The following UROD variants were observed in gnomAD, a reference collection of about 807,000 sequenced individuals.
UROD encodes the protein uroporphyrinogen III decarboxylase.
Under a neutral mutation model 47.1 loss-of-function variants are expected in UROD, and 34 were observed. The observed-to-expected ratio is 0.72, with a 90% confidence interval of 0.55 to 0.96. The LOEUF (loss-of-function observed/expected upper bound fraction) is 0.96, where lower values mean the gene tolerates loss of function less well. Among genes scored for constraint, UROD ranks in the 40% least tolerant of loss-of-function variants. The pLI is 0.00. For missense variants in UROD, 381 were observed against 471.8 expected (o/e 0.81, Z 1.78); for synonymous variants, 148 against 175.8 (o/e 0.84, Z 1.25).
At chr1:45,014,232 G>A (rs1180889019) in intron 6 of UROD, 162 bp downstream of exon 6, 4 of 1,290,416 alleles carry the variant, frequency 3.1e-6, no homozygotes, top group African/African-American at 2.9e-5. Context: ...GACACTGACA[G>A]TGGGGCTTAA....
chr1:45,015,129 G>A (rs1216621659), intron 9 of UROD, 123 bp downstream of exon 9: 1 of 1,521,702 alleles, frequency 6.6e-7, no homozygotes, highest in African/African-American at 1.4e-5. Flanking sequence ...TACAACATAA[G>A]CCCTAGAAAG....
intron 6 of UROD, 58 bp downstream of exon 6, chr1:45,014,128 A>G: frequency 6.2e-7 from 1 of 1,612,626 alleles, no homozygotes; most frequent in South Asian, 1.1e-5. Flanking sequence ...ACCAGAAGCA[A>G]GAGTGTCCTA....
Position 45,013,969 on chromosome 1 carries a change from C to A in UROD, c.535C>A (p.Arg179Ser). 6.2e-7 allele frequency: 1 copy of A among 1,614,236 alleles called. No individual in the cohort carries two copies. The highest frequency in any genetic ancestry group is 8.5e-7 in the Non-Finnish European group (1 of 1,180,052). ...GGSSTMAQAK[R>S]WLYQRPQASH... is the part of the protein sequence containing the mutation. ...CTCAAGCACCATGGCTCAGGCCAAG[C>A]GCTGGCTCTATCAGAGACCTCAGGC... The change falls in exon 6 of 10, where the codon CGC becomes AGC. Residue 179 changes from arginine (R) to serine (S), a missense_variant. Arg to Ser is a moderately radical substitution (Grantham distance 110, BLOSUM62 -1). Coordinates refer to ENST00000246337, the MANE Select transcript of UROD (RefSeq NM_000374.5). The surrounding 1 kb of genome is among the most constrained non-coding windows in gnomAD (Gnocchi z 4.2).
intron 1 of UROD, 86 bp from the exon 2 acceptor site, chr1:45,012,821 G>A: frequency 6.3e-7 from 1 of 1,576,968 alleles, no homozygotes. Flanking sequence ...AGCGGTCCTG[G>A]ACTGAATCGG....
At chr1:45,012,794 G>T (rs1421728575) in intron 1 of UROD, 113 bp from the exon 2 acceptor site, 1 of 1,552,008 alleles carries the variant, frequency 6.4e-7, no homozygotes, top group African/African-American at 1.4e-5. Context: ...TTGGGAGCTG[G>T]CCTGGAGGAG....
Position 45,014,849 on chromosome 1 carries a change from AG to A in UROD, c.875+16del. The A allele has an allele frequency of 6.2e-7, 1 of 1,614,172 alleles. No homozygotes were observed. Among genetic ancestry groups the A allele is most frequent in the South Asian group, 1.1e-5 (1 of 91,086 alleles). The stretch of plus-strand genomic sequence containing the variant: ...CAAAGAAAGCCCGGTAAGCCATGGA[AG>A]GGTGAGGCCTTGAGGTTGAGGTGGG... On this transcript the variant is annotated intron_variant, in intron 8 of 9. Transcript: ENST00000246337.
rs1644806259 is a variant in UROD at position 45,012,280 on chromosome 1, G to T, written c.15G>T (p.Gly5=). 3.7e-6 allele frequency: 6 copies of T among 1,613,934 alleles called. No individual in the cohort carries two copies. Among genetic ancestry groups the T allele is most frequent in the Admixed American group, 1.7e-5 (1 of 60,004 alleles). ...GACAGCTGACCATGGAAGCGAATGG[G>T]TTGGGGTGAGTTCTCCAGAGCACGC... The part of the protein sequence containing the change: MEAN[G]LGPQGFPELK... The change falls in exon 1 of 10, where the codon GGG becomes GGT. Residue 5 remains glycine (G), a synonymous_variant. Transcript: ENST00000246337.
Position 45,015,377 on chromosome 1 carries a change from T to C in UROD, c.983T>C (p.Phe328Ser). The C allele has an allele frequency of 1.2e-6, 2 of 1,614,144 alleles. No individual in the cohort carries two copies. The highest frequency in any genetic ancestry group is 1.1e-5 in the South Asian group (1 of 91,082). ...GQLVKQMLDDFGPHRYIANLG... is the reference protein window; with the variant it reads ...GQLVKQMLDDSGPHRYIANLG... ...TTGGTGAAGCAGATGCTGGATGACT[T>C]TGGACCACATCGCTACATTGCCAAC... The change falls in exon 10 of 10, where the codon TTT (phenylalanine) becomes TCT (serine). Residue 328 changes from phenylalanine (F) to serine (S), a missense_variant. Coordinates refer to ENST00000246337, the MANE Select transcript of UROD (RefSeq NM_000374.5).
chr1:45,014,110 C>A, intron 6 of UROD, 40 bp downstream of exon 6: 1 of 1,613,780 alleles, frequency 6.2e-7, no homozygotes, highest in South Asian at 1.1e-5. Context: ...GGGATTTGGT[C>A]TGTAAGGACC....
rs2148982637 is a variant in UROD at position 45,013,598 on chromosome 1, T to C, written c.281T>C (p.Leu94Pro). 6.2e-7 allele frequency: 1 copy of C among 1,614,124 alleles called. No individual in the cohort carries two copies. The highest frequency in any genetic ancestry group is 2.2e-5 in the East Asian group (1 of 44,870). The change falls in exon 5 of 10, where the codon CTG (leucine) becomes CCG (proline). Residue 94 changes from leucine to proline, a missense_variant. By Grantham distance (98) the Leu-to-Pro change is moderately conservative (BLOSUM62 -3). Coordinates refer to ENST00000246337, the MANE Select transcript of UROD (RefSeq NM_000374.5). This position sits in a 1 kb window ranked among gnomAD's most constrained non-coding sequence, Gnocchi z 4.2. ...AGATGTTTTCTCCCCCTCCAGGCACTGGGCATGGAGGTGACCATGGTACCT... is the reference window on the plus strand; with the variant it reads ...AGATGTTTTCTCCCCCTCCAGGCACCGGGCATGGAGGTGACCATGGTACCT... ...FSDILVVPQALGMEVTMVPGK... is the reference protein window; with the variant it reads ...FSDILVVPQAPGMEVTMVPGK...
At position 45,013,381 on chromosome 1, in the gene UROD, T is replaced by C. The variant is rs778341947; in HGVS notation, c.276+27T>C. 2 of 1,614,088 alleles carry C rather than the reference T, an allele frequency of 1.2e-6. No homozygotes were observed. The highest frequency in any genetic ancestry group is 1.1e-5 in the South Asian group (1 of 91,090). ...TACCCACTCAAACCTGATCCTAGAA[T>C]ATAATCCAAGGACGCCTTGAAAATC... On this transcript the variant is annotated intron_variant, in intron 4 of 9. Coordinates refer to ENST00000246337, the MANE Select transcript of UROD (RefSeq NM_000374.5). This position sits in a 1 kb window ranked among gnomAD's most constrained non-coding sequence, Gnocchi z 4.2.
In UROD at chr1:45,014,684, G is replaced by C. The variant is rs568816119; in HGVS notation, c.775-52G>C. On this transcript the variant is annotated intron_variant, in intron 7 of 9. Coordinates refer to ENST00000246337, the MANE Select transcript of UROD (RefSeq NM_000374.5). ...GGGCAGCAGAAGTACAGTCAAGAAA[G>C]ATTAGTGGTTGTAGCAAGGCCCTCT... 3.7e-5 allele frequency: 60 copies of C among 1,613,478 alleles called. 1 individual carries two copies. The South Asian group carries it at 6.2e-4, about 17-fold the overall frequency.
intron 9 of UROD, 133 bp from the exon 10 acceptor site, chr1:45,015,204 T>G: frequency 6.9e-7 from 1 of 1,452,486 alleles, no homozygotes; most frequent in South Asian, 1.2e-5. Flanking sequence ...ATACTAGGGA[T>G]CTGATAAATT....
Position 45,013,022 on chromosome 1 carries a change from A to T in UROD, c.133+3A>T. 1 of 1,614,082 alleles carries T rather than the reference A, an allele frequency of 6.2e-7. No individual in the cohort carries two copies. Among genetic ancestry groups the T allele is most frequent in the Non-Finnish European group, 8.5e-7 (1 of 1,179,990 alleles). The stretch of plus-strand genomic sequence containing the variant: ...CCAGGCAGGCCGTTACTTACCAGGT[A>T]AGAGTCAGGGTCTGGAAATCTAGAT... On this transcript the variant is annotated splice_donor_region_variant and intron_variant, in intron 2 of 9. Transcript: ENST00000246337. The surrounding 1 kb of genome is among the most constrained non-coding windows in gnomAD (Gnocchi z 4.2).
At position 45,014,373 on chromosome 1, in the gene UROD, A is replaced by G; in HGVS notation, c.637-66A>G. On this transcript the variant is annotated intron_variant, in intron 6 of 9. Transcript: ENST00000246337. ...AGTCATTTGGGGAAAATTGAGGTGG[A>G]TTTTGTATGTGGGGGAAACTTCCTC... 6.2e-7 allele frequency: 1 copy of G among 1,611,942 alleles called. No homozygotes were observed. The highest frequency in any genetic ancestry group is 8.5e-7 in the Non-Finnish European group (1 of 1,179,424).
At chr1:45,015,307 C>T (rs774189518) in intron 9 of UROD, 30 bp from the exon 10 acceptor site, 9 of 1,612,850 alleles carry the variant, frequency 5.6e-6, no homozygotes, top group Non-Finnish European at 6.8e-6. Context: ...TGCTGGTCCT[C>T]CTGTAGCCAG....
Position 45,014,131 on chromosome 1 carries a change from G to C in UROD, c.636+61G>C, listed in dbSNP as rs1644828823. 2.5e-6 allele frequency: 4 copies of C among 1,612,304 alleles called. No homozygotes were observed. In the African/African-American group the frequency reaches 5.3e-5, roughly 21 times the overall value. ...TGGTCTGTAAGGACCAGAAGCAAGA[G>C]TGTCCTAAACCTGAGAGGGCAGGGG... On this transcript the variant is annotated intron_variant, in intron 6 of 9. Transcript: ENST00000246337.
chr1:45,013,003 A>C lies in UROD; in HGVS notation c.117A>C (p.Ala39=). The change falls in exon 2 of 10, where the codon GCA becomes GCC. Residue 39 remains alanine (A), a synonymous_variant. Coordinates refer to ENST00000246337, the MANE Select transcript of UROD (RefSeq NM_000374.5). This position sits in a 1 kb window ranked among gnomAD's most constrained non-coding sequence, Gnocchi z 4.2. ...DYTPVWCMRQ[A]GRYLPEFRET... is the part of the protein sequence containing the mutation. Reference sequence around the variant, plus strand: ...CTCCCGTTTGGTGCATGCGCCAGGCAGGCCGTTACTTACCAGGTAAGAGTC... The same window carrying C: ...CTCCCGTTTGGTGCATGCGCCAGGCCGGCCGTTACTTACCAGGTAAGAGTC... 1 of 1,614,088 alleles carries C rather than the reference A, an allele frequency of 6.2e-7. No homozygotes were observed. The highest frequency in any genetic ancestry group is 2.2e-5 in the East Asian group (1 of 44,888).
Position 45,013,892 on chromosome 1 carries a change from T to C in UROD, c.475-17T>C. 6.2e-7 allele frequency: 1 copy of C among 1,614,254 alleles called. No homozygotes were observed. Among genetic ancestry groups the C allele is most frequent in the East Asian group, 2.2e-5 (1 of 44,884 alleles). On this transcript the variant is annotated splice_polypyrimidine_tract_variant and intron_variant, in intron 5 of 9. Transcript: ENST00000246337. The surrounding 1 kb of genome is among the most constrained non-coding windows in gnomAD (Gnocchi z 4.2). ...TCAGTCTGGCTTCTGTGACACCATC[T>C]TTCTATCCTTCTCTAGTGGACCCTG...
Sources: gnomAD v4.1 joint callset for allele counts on GRCh38, gnomAD v4.1.1 for gene constraint, Gnocchi (gnomAD v3.1) non-coding constraint, MANE v1.5 for transcripts, NCBI Gene and HGNC (gene_info 2026-07-23, HGNC 2026-07-21) for gene names.